Variants in SCFD1 observed in about 807,000 individuals in gnomAD.
SCFD1 encodes the protein sec1 family domain-containing protein 1.
Under a neutral mutation model 103.2 loss-of-function variants are expected in SCFD1, and 37 were observed. The observed-to-expected ratio is 0.36, with a 90% confidence interval of 0.28 to 0.47. SCFD1 has a LOEUF of 0.47. Among genes scored for constraint, SCFD1 ranks in the 20% least tolerant of loss-of-function variants. SCFD1 has a pLI of 1.00. For synonymous variants in SCFD1, 264 were observed against 245.0 expected (o/e 1.08, Z -0.73); for missense variants, 639 against 761.2 (o/e 0.84, Z 1.89).
intron 19 of SCFD1, among the ~76,000 whole-genome samples, chr14:30,714,259 C>T (rs1782236256): frequency 6.6e-6 from 1 of 151,110 alleles, no homozygotes. Context: ...GAGGCTGAGG[C>T]AGGAGAACGG....
intron 9 of SCFD1, 30 bp downstream of exon 9, chr14:30,650,680 A>C: frequency 8.1e-7 from 1 of 1,233,210 alleles, no homozygotes; most frequent in Non-Finnish European, 1.2e-6. Context: ...CACTTGTAAG[A>C]CTTTAAAATA....
At chr14:30,675,189 A>C (rs1346592272) in intron 14 of SCFD1, 124 bp downstream of exon 14, 1 of 473,068 alleles carries the variant, frequency 2.1e-6, no homozygotes, top group East Asian at 3.4e-5. Flanking sequence ...ATAATTATGG[A>C]AGACAGCAGT....
chr14:30,684,877 G>T (rs1458421329), intron 14 of SCFD1, among the ~76,000 whole-genome samples: 1 of 89,328 alleles, frequency 1.1e-5, no homozygotes, highest in Non-Finnish European at 2.0e-5. Flanking sequence ...AGTTACATAT[G>T]TATACATGTG....
rs528106345 is a variant in SCFD1 at position 30,660,424 on chromosome 14, T to C, written c.855+6836T>C. ...GGTACATAATGTCTGTTTGTCCTAA[T>C]GTTAGTGAACAGATTGATCAGTAGT... On this transcript the variant is annotated intron_variant, in intron 10 of 24. Transcript: ENST00000458591. Among the ~76,000 whole-genome samples the C allele has an allele frequency of 6.6e-5, 10 of 152,292 alleles. No homozygotes were observed. The East Asian group carries it at 1.9e-3, about 29-fold the overall frequency.
At chr14:30,649,893 C>T (rs1041858073) in intron 8 of SCFD1, among the ~76,000 whole-genome samples, 6 of 152,054 alleles carry the variant, frequency 3.9e-5, no homozygotes, top group Non-Finnish European at 8.8e-5. Context: ...TTTGATCCCC[C>T]AGATTACTTA....
intron 11 of SCFD1, among the ~76,000 whole-genome samples, chr14:30,671,551 T>C (rs905564796): frequency 4.6e-5 from 7 of 152,148 alleles, no homozygotes; most frequent in African/African-American, 7.2e-5. Context: ...TTAGAACATA[T>C]GTTTAAGAAC....
At chr14:30,723,159 A>G (rs982738664) in intron 23 of SCFD1, among the ~76,000 whole-genome samples, 13 of 152,308 alleles carry the variant, frequency 8.5e-5, no homozygotes, top group African/African-American at 2.9e-4. Flanking sequence ...TTCACTTAAC[A>G]TTAAATAAAG....
intron 1 of SCFD1, 30 bp downstream of exon 1, chr14:30,622,429 T>C: frequency 6.5e-7 from 1 of 1,550,146 alleles, no homozygotes; most frequent in Non-Finnish European, 8.7e-7. Flanking sequence ...TCCTTGAAGC[T>C]TCGTGACTGC....
rs749472084 is a variant in SCFD1 at position 30,719,311 on chromosome 14, A to AT, written c.1684-6dup. 4.0e-5 allele frequency: 63 copies of AT among 1,567,428 alleles called. No individual in the cohort carries two copies. The highest frequency in any genetic ancestry group is 9.0e-5 in the East Asian group (4 of 44,538). On this transcript the variant is annotated splice_polypyrimidine_tract_variant and intron_variant, in intron 20 of 24. Coordinates refer to ENST00000458591, the MANE Select transcript of SCFD1 (RefSeq NM_016106.4). ...AATTCCACAGTCATGGTAAAGTTCTATTTTTTTTAATAGGAAACTGATGAC... is the reference window on the plus strand; with the variant it reads ...AATTCCACAGTCATGGTAAAGTTCTATTTTTTTTTAATAGGAAACTGATGAC...
At chr14:30,692,152 G>A (rs985183164) in intron 14 of SCFD1, among the ~76,000 whole-genome samples, 5 of 151,796 alleles carry the variant, frequency 3.3e-5, no homozygotes, top group African/African-American at 1.2e-4. Context: ...CTAGAAGTTC[G>A]TTCATCTATT....
intron 4 of SCFD1, among the ~76,000 whole-genome samples, chr14:30,634,498 C>T (rs986054348): frequency 6.6e-6 from 1 of 151,962 alleles, no homozygotes; most frequent in Non-Finnish European, 1.5e-5. Context: ...AAAACATATA[C>T]GGTTCAGTAC....
At chr14:30,676,231 T>G (rs1003288876) in intron 14 of SCFD1, 1 of 152,166 alleles carries the variant, frequency 6.6e-6, no homozygotes, top group African/African-American at 2.4e-5. Flanking sequence ...TTGAGAAAAT[T>G]TTGGTTAATT....
intron 13 of SCFD1, 76 bp downstream of exon 13, chr14:30,674,073 A>C (rs1888803145): frequency 9.5e-7 from 1 of 1,048,514 alleles, no homozygotes; most frequent in Non-Finnish European, 1.4e-6. Context: ...AAAATTGTTA[A>C]TGTTTTTAAC....
chr14:30,653,127 G>A (rs10138229), intron 9 of SCFD1, among the ~76,000 whole-genome samples: 1,817 of 152,174 alleles, frequency 0.012, 36 homozygotes, highest in African/African-American at 0.04. Context: ...AGCCTCCCCC[G>A]TCTCTATAAA....
chr14:30,639,809 G>T lies in SCFD1; in HGVS notation c.468G>T (p.Leu156Phe). The T allele has an allele frequency of 1.9e-6, 3 of 1,577,962 alleles. No homozygotes were observed. The highest frequency in any genetic ancestry group is 2.6e-6 in the Non-Finnish European group (3 of 1,162,602). ...VFDQYLNFITLEDDMFVLCNQ... is the reference protein window; with the variant it reads ...VFDQYLNFITFEDDMFVLCNQ... ...ACCAATATCTCAATTTTATTACTTT[G>T]GAAGATGATATGTTTGTATTATGTA... Residue 156 changes from leucine to phenylalanine, a missense_variant, in exon 6 of 25, where the codon TTG (leucine) becomes TTT (phenylalanine). By Grantham distance (22) the Leu-to-Phe change is conservative. Transcript: ENST00000458591.
In SCFD1 at chr14:30,631,188, T is replaced by TA. The variant is rs749880273; in HGVS notation, c.221+631dup. Among the ~76,000 whole-genome samples, 8 of 151,682 alleles carry TA rather than the reference T, an allele frequency of 5.3e-5. No homozygotes were observed. The East Asian group carries it at 7.8e-4, about 15-fold the overall frequency. On this transcript the variant is annotated intron_variant, in intron 3 of 24. Coordinates refer to ENST00000458591, the MANE Select transcript of SCFD1 (RefSeq NM_016106.4). ...TCACGTGGTGAAACGCCATCTTCAC[T>TA]AAAAAAAATACAGAAAATTAGCCAG...
chr14:30,683,665 C>G (rs894564751), intron 14 of SCFD1: 4 of 208,896 alleles, frequency 1.9e-5, no homozygotes, highest in Non-Finnish European at 3.9e-5. Context: ...GTATACTTTC[C>G]TATAGATATT....
chr14:30,630,169 G>C (rs1253609589), intron 2 of SCFD1, among the ~76,000 whole-genome samples: 1 of 152,104 alleles, frequency 6.6e-6, no homozygotes, highest in Non-Finnish European at 1.5e-5. Flanking sequence ...ATTTTAGCCT[G>C]AGTAGTAATG....
intron 20 of SCFD1, among the ~76,000 whole-genome samples, chr14:30,718,683 T>G (rs894806973): frequency 1.3e-5 from 2 of 152,368 alleles, no homozygotes; most frequent in South Asian, 2.1e-4. Context: ...ATCAGTTCAT[T>G]TATTAAATGT....
Sources: allele counts gnomAD v4.1 joint callset (sites outside exome capture counted in the v4.1 genomes callset), GRCh38; gene constraint gnomAD v4.1.1; transcripts MANE v1.5; gene names NCBI Gene and HGNC (gene_info 2026-07-23, HGNC 2026-07-21).